Variants in PCNX1 observed in about 807,000 individuals in gnomAD.
PCNX1 encodes the protein pecanex-like protein 1.
PCNX1 carries 78 observed loss-of-function variants against 242.2 expected under a neutral mutation model. That is an observed-to-expected ratio of 0.32 (90% CI 0.27 to 0.39). The LOEUF (loss-of-function observed/expected upper bound fraction) is 0.39. Among genes scored for constraint, PCNX1 ranks in the 10% least tolerant of loss-of-function variants. The pLI is 1.00. For synonymous variants in PCNX1, 1,024 were observed against 1,032.9 expected (o/e 0.99, Z 0.17); for missense variants, 2,581 against 2,856.5 (o/e 0.90, Z 2.20).
At chr14:71,076,067 G>C (rs534047781) in intron 27 of PCNX1, 122 bp from the exon 28 acceptor site, 593 of 631,152 alleles carry the variant, frequency 9.4e-4, no homozygotes, top group Non-Finnish European at 1.4e-3. Context: ...TTTTTAGTCA[G>C]ACTAAAAAGT....
chr14:71,063,796 G>C (rs1414542478), intron 26 of PCNX1, among the ~76,000 whole-genome samples: 1 of 152,092 alleles, frequency 6.6e-6, no homozygotes, highest in Non-Finnish European at 1.5e-5. Context: ...TTCTTGATCA[G>C]TTTTTATAGC....
At chr14:70,908,388 T>A (rs1419489894) in intron 1 of PCNX1, among the ~76,000 whole-genome samples, 1 of 151,952 alleles carries the variant, frequency 6.6e-6, no homozygotes, top group Non-Finnish European at 1.5e-5. Context: ...GCATCCATCC[T>A]TGGCACGCTG....
chr14:70,914,873 G>A (rs1053984606), intron 1 of PCNX1, among the ~76,000 whole-genome samples: 4 of 152,114 alleles, frequency 2.6e-5, no homozygotes, highest in African/African-American at 9.7e-5. Flanking sequence ...ACACGTTTGC[G>A]TAGTGTAGAC....
chr14:71,108,512 T>G (rs1243522149), intron 33 of PCNX1, 92 bp from the exon 34 acceptor site: 2 of 964,980 alleles, frequency 2.1e-6, no homozygotes, highest in Non-Finnish European at 3.1e-6. Flanking sequence ...ACCAATTAAT[T>G]GCTTAGGGGA....
chr14:70,912,665 G>A (rs1464773035), intron 1 of PCNX1, among the ~76,000 whole-genome samples: 1 of 151,692 alleles, frequency 6.6e-6, no homozygotes, highest in Non-Finnish European at 1.5e-5. Context: ...TCTGCTCAGA[G>A]GAAAAGACAT....
intron 6 of PCNX1, among the ~76,000 whole-genome samples, chr14:70,982,098 T>G (rs752977691): frequency 6.6e-6 from 1 of 152,202 alleles, no homozygotes; most frequent in Non-Finnish European, 1.5e-5. Flanking sequence ...AATAAAAATT[T>G]ATGAGGGTTT....
In PCNX1 at chr14:71,012,755, C is replaced by T. The variant is rs537349261; in HGVS notation, c.2779-230C>T. On this transcript the variant is annotated intron_variant, in intron 10 of 35. Coordinates refer to ENST00000304743, the MANE Select transcript of PCNX1 (RefSeq NM_014982.3). ...GGCTGAGGCAGAGAATTGCTTGAAC[C>T]GGGGAGGCAGAGGTTGCAGTGAGCC... The T allele has an allele frequency of 8.5e-5, 36 of 425,192 alleles. 1 individual carries two copies. The highest frequency in any genetic ancestry group is 6.9e-4 in the Middle Eastern group (1 of 1,440). 26.3% of individuals were successfully genotyped at this position (425,192 alleles called of 1,614,324 possible).
chr14:70,994,396 G>GATATAGAT (rs1555357280), intron 7 of PCNX1, among the ~76,000 whole-genome samples: 3 of 96,972 alleles, frequency 3.1e-5, no homozygotes, highest in Non-Finnish European at 4.4e-5. Context: ...ACAGGCTTAA[G>GATATAGAT]ATATATATAT....
At chr14:70,930,410 T>A (rs2056753544) in intron 1 of PCNX1, among the ~76,000 whole-genome samples, 1 of 152,184 alleles carries the variant, frequency 6.6e-6, no homozygotes, top group African/African-American at 2.4e-5. Context: ...ATGTGCTATG[T>A]TATTTTAGTC....
intron 1 of PCNX1, among the ~76,000 whole-genome samples, chr14:70,911,653 G>T (rs576577766): frequency 6.6e-6 from 1 of 152,208 alleles, no homozygotes; most frequent in East Asian, 1.9e-4. Flanking sequence ...GTTATTGATT[G>T]TGTGTCCTGT....
At chr14:70,979,172 C>G (rs2058765531) in intron 6 of PCNX1, among the ~76,000 whole-genome samples, 1 of 151,988 alleles carries the variant, frequency 6.6e-6, no homozygotes, top group Non-Finnish European at 1.5e-5. Flanking sequence ...TTATTTCTTG[C>G]TTACTCAAGT....
At position 71,047,826 on chromosome 14, in the gene PCNX1, A is replaced by G; in HGVS notation, c.4180A>G (p.Thr1394Ala). ...CCACAGATTAGGTGCTTTAATGATCACTGTTGCTGGTTTGAAGTTGCTACG... is the reference window on the plus strand; with the variant it reads ...CCACAGATTAGGTGCTTTAATGATCGCTGTTGCTGGTTTGAAGTTGCTACG... ...LNTELGALMI[T>A]VAGLKLLRSS... Residue 1394 changes from threonine (T) to alanine (A), a missense_variant, in exon 22 of 36, where the codon ACT becomes GCT. This residue lies in a region of PCNX1 where 432 missense variants were observed against 443.1 expected (regional missense o/e 0.97). Transcript: ENST00000304743. The G allele has an allele frequency of 6.2e-7, 1 of 1,610,804 alleles. No individual in the cohort carries two copies. The highest frequency in any genetic ancestry group is 8.5e-7 in the Non-Finnish European group (1 of 1,177,918).
chr14:71,012,162 A>C (rs1025308626), intron 10 of PCNX1: 1 of 151,804 alleles, frequency 6.6e-6, no homozygotes, highest in Non-Finnish European at 1.5e-5. Flanking sequence ...CAAACAAACA[A>C]ACAGGGGTGA....
At chr14:71,007,782 G>A (rs953708201) in intron 8 of PCNX1, among the ~76,000 whole-genome samples, 3 of 151,746 alleles carry the variant, frequency 2.0e-5, no homozygotes, top group Non-Finnish European at 4.4e-5. Flanking sequence ...TAAGTGAGCC[G>A]GTATTTTTTA....
chr14:71,033,391 T>C (rs377228779), intron 16 of PCNX1, 38 bp from the exon 17 acceptor site: 2 of 1,000,968 alleles, frequency 2.0e-6, no homozygotes, highest in Non-Finnish European at 3.2e-6. Context: ...TATTACAAAT[T>C]AGAAGCATAT....
chr14:70,924,241 AAAAAAAAAG>A (rs2056496741), intron 1 of PCNX1, among the ~76,000 whole-genome samples: 1 of 151,700 alleles, frequency 6.6e-6, no homozygotes, highest in South Asian at 2.1e-4. Flanking sequence ...CAAAAAAAAA[AAAAAAAAAG>A]AAAAAGAAAA....
At chr14:71,103,043 A>G (rs1323569620) in intron 31 of PCNX1, among the ~76,000 whole-genome samples, 1 of 152,246 alleles carries the variant, frequency 6.6e-6, no homozygotes, top group Non-Finnish European at 1.5e-5. Context: ...CACAAATGTC[A>G]TAAACATTCT....
rs549891836 is a variant in PCNX1 at position 71,008,572 on chromosome 14, T to C, written c.2630-1062T>C. Among the ~76,000 whole-genome samples, 1,332 of 141,808 alleles carry C rather than the reference T, an allele frequency of 9.4e-3. 8 individuals carry two copies. Among genetic ancestry groups the C allele is most frequent in the Non-Finnish European group, 0.012 (831 of 66,714 alleles). The allele number at this position is 141,808 out of a possible 152,430, so 93.0% of individuals were successfully genotyped here. A position where few individuals can be genotyped will look rare whatever the true frequency, so the allele number is the denominator to read the frequency against. The stretch of plus-strand genomic sequence containing the variant: ...TCGGGAGGCTGAGGCAGGAGAATGG[T>C]GTGAACCCGGGAGGCAGAGCTTGCA... On this transcript the variant is annotated intron_variant, in intron 8 of 35. Coordinates refer to ENST00000304743, the MANE Select transcript of PCNX1 (RefSeq NM_014982.3).
Position 70,960,463 on chromosome 14 carries a change from A to G in PCNX1, c.363-1763A>G, listed in dbSNP as rs1444798948. On this transcript the variant is annotated intron_variant, in intron 2 of 35. Transcript: ENST00000304743. ...CAGAAAAGGCCTTTGACAAAATTCA[A>G]CAACACTTCATGCTAAAAACTCTCA... 1.3e-5 allele frequency among the ~76,000 whole-genome samples: 2 copies of G among 151,248 alleles called. 1 individual carries two copies. The highest frequency in any genetic ancestry group is 6.8e-3 in the Middle Eastern group (2 of 294).
Sources: gnomAD v4.1 joint callset for allele counts (sites outside exome capture counted in the v4.1 genomes callset) on GRCh38, gnomAD v4.1.1 for gene constraint, gnomAD v4.1.1 regional missense constraint, MANE v1.5 for transcripts, NCBI Gene and HGNC (gene_info 2026-07-23, HGNC 2026-07-21) for gene names.